GABRB2: variants seen among roughly 807,000 people sequenced by gnomAD.
GABRB2 encodes gamma-aminobutyric acid receptor subunit beta-2.
In GABRB2, 16 loss-of-function variants were observed where a neutral mutation model predicts 54.7. That is an observed-to-expected ratio of 0.29 (90% CI 0.20 to 0.44). The LOEUF is 0.44. Ranked by LOEUF, GABRB2 falls within the 20% of genes least tolerant of loss-of-function variation. The pLI is 1.00. For synonymous variants in GABRB2, 244 were observed against 233.8 expected (o/e 1.04, Z -0.40); for missense variants, 355 against 644.0 (o/e 0.55, Z 4.86).
intron 5 of GABRB2, among the ~76,000 whole-genome samples, chr5:161,370,890 C>T (rs1357396783): frequency 6.6e-6 from 1 of 152,228 alleles, no homozygotes; most frequent in Admixed American, 6.5e-5. Flanking sequence ...CCAGACTTTA[C>T]GTTTTGGAAA....
chr5:161,373,867 C>T (rs1755204558), intron 5 of GABRB2, among the ~76,000 whole-genome samples: 1 of 151,862 alleles, frequency 6.6e-6, no homozygotes, highest in Non-Finnish European at 1.5e-5. Context: ...CCTTGAGTTC[C>T]TTCTTTACCA....
chr5:161,319,185 C>T (rs758294840), intron 9 of GABRB2, among the ~76,000 whole-genome samples: 2 of 149,788 alleles, frequency 1.3e-5, no homozygotes, highest in African/African-American at 2.4e-5. Flanking sequence ...CTTGTTCTAG[C>T]CTGAACTGTT....
intron 9 of GABRB2, among the ~76,000 whole-genome samples, chr5:161,311,213 C>T (rs1379437727): frequency 6.6e-6 from 1 of 152,136 alleles, no homozygotes; most frequent in African/African-American, 2.4e-5. Flanking sequence ...GATAATAAAA[C>T]TAAAGGTCCT....
rs183214942 is a variant in GABRB2 at position 161,422,245 on chromosome 5, C to T, written c.459-11188G>A. 1.4e-3 allele frequency among the ~76,000 whole-genome samples: 219 copies of T among 152,094 alleles called. 1 individual carries two copies. Among genetic ancestry groups the T allele is most frequent in the Non-Finnish European group, 1.9e-3 (132 of 67,972 alleles). On this transcript the variant is annotated intron_variant, in intron 4 of 9. Coordinates refer to ENST00000393959, the MANE Select transcript of GABRB2 (RefSeq NM_001371727.1). ...CTTTATTTATAGTTGGGCAAAAAAT[C>T]TCAGAAATATTCTAGGTAAGTACTA...
chr5:161,297,199 C>T (rs973926522), intron 9 of GABRB2, among the ~76,000 whole-genome samples: 6 of 152,090 alleles, frequency 3.9e-5, no homozygotes, highest in African/African-American at 1.4e-4. Context: ...GTGTATTGAA[C>T]ACCTGTATCA....
intron 5 of GABRB2, among the ~76,000 whole-genome samples, chr5:161,407,587 G>A (rs1756384392): frequency 1.3e-5 from 2 of 151,970 alleles, no homozygotes; most frequent in South Asian, 2.1e-4. Context: ...GTAGGCTTGG[G>A]CATAACTTTG....
chr5:161,499,139 ACTTGT>A (rs760010243), intron 3 of GABRB2, among the ~76,000 whole-genome samples: 1 of 152,014 alleles, frequency 6.6e-6, no homozygotes, highest in South Asian at 2.1e-4. Context: ...TGCACTCTTC[ACTTGT>A]CTTGTCTCAT....
intron 3 of GABRB2, among the ~76,000 whole-genome samples, chr5:161,461,036 G>A (rs1758106571): frequency 6.6e-6 from 1 of 152,100 alleles, no homozygotes; most frequent in Non-Finnish European, 1.5e-5. Flanking sequence ...TTGAGCCAGT[G>A]ATACATAGGG....
At chr5:161,422,856 T>A (rs1179893116) in intron 4 of GABRB2, among the ~76,000 whole-genome samples, 2 of 152,172 alleles carry the variant, frequency 1.3e-5, no homozygotes, top group Non-Finnish European at 2.9e-5. Flanking sequence ...GCCATTTAAA[T>A]GTTGGTGGAA....
At position 161,291,914 on chromosome 5, in the gene GABRB2, C is replaced by G. The variant is rs1172808624; in HGVS notation, c.*2167G>C. The G allele has an allele frequency of 6.6e-6, 1 of 152,162 alleles. No homozygotes were observed. Among genetic ancestry groups the G allele is most frequent in the East Asian group, 1.9e-4 (1 of 5,184 alleles). 9.4% of individuals were successfully genotyped at this position (152,162 alleles called of 1,614,324 possible). On this transcript the variant is annotated 3_prime_UTR_variant, in exon 10 of 10. Coordinates refer to ENST00000393959, the MANE Select transcript of GABRB2 (RefSeq NM_001371727.1). ...TTACCCCCTGTTGACAAGGGGCAGG[C>G]ACTTTACTTAGTGTGATGCCCCAAA...
At chr5:161,456,731 T>G (rs1014945544) in intron 4 of GABRB2, among the ~76,000 whole-genome samples, 1 of 152,180 alleles carries the variant, frequency 6.6e-6, no homozygotes, top group African/African-American at 2.4e-5. Context: ...AAGTACATGC[T>G]AAGTCTCTTA....
intron 4 of GABRB2, among the ~76,000 whole-genome samples, chr5:161,438,118 T>A (rs1757361657): frequency 6.6e-6 from 1 of 152,152 alleles, no homozygotes; most frequent in African/African-American, 2.4e-5. Context: ...TGGCTTTAGG[T>A]TTGACCTAAC....
At chr5:161,389,824 C>A (rs2910287) in intron 5 of GABRB2, among the ~76,000 whole-genome samples, 84,531 of 151,610 alleles carry the variant, frequency 0.56, 25,369 homozygotes, top group South Asian at 0.67. Context: ...CAAATTACCC[C>A]AAACCTGAAG....
intron 3 of GABRB2, among the ~76,000 whole-genome samples, chr5:161,529,521 T>G (rs1318385244): frequency 6.6e-6 from 1 of 152,030 alleles, no homozygotes; most frequent in South Asian, 2.1e-4. Flanking sequence ...TTCTCACAGG[T>G]TCTAGCTTCA....
chr5:161,470,221 G>A (rs776523381), intron 3 of GABRB2, among the ~76,000 whole-genome samples: 10 of 151,338 alleles, frequency 6.6e-5, no homozygotes, highest in Admixed American at 3.3e-4. Flanking sequence ...GTGGTAAGCC[G>A]AACACTACTG....
At chr5:161,541,393 C>T (rs576302221) in intron 3 of GABRB2, among the ~76,000 whole-genome samples, 1 of 152,276 alleles carries the variant, frequency 6.6e-6, no homozygotes, top group Non-Finnish European at 1.5e-5. Context: ...TGCCTTGAAG[C>T]TTTGAAGCCA....
At chr5:161,300,547 C>T (rs1004770074) in intron 9 of GABRB2, among the ~76,000 whole-genome samples, 2 of 152,134 alleles carry the variant, frequency 1.3e-5, no homozygotes, top group African/African-American at 4.8e-5. Flanking sequence ...TTCCATGTTG[C>T]CTCTAGCCTG....
intron 4 of GABRB2, among the ~76,000 whole-genome samples, chr5:161,444,846 T>C (rs1391135975): frequency 6.6e-6 from 1 of 152,180 alleles, no homozygotes; most frequent in Non-Finnish European, 1.5e-5. Flanking sequence ...TTAATGCTTC[T>C]CTTTTTACTC....
At chr5:161,502,378 C>T (rs970959437) in intron 3 of GABRB2, among the ~76,000 whole-genome samples, 1 of 152,060 alleles carries the variant, frequency 6.6e-6, no homozygotes, top group Non-Finnish European at 1.5e-5. Flanking sequence ...AAAACACATA[C>T]ATTTGTCTGC....
Sources: allele counts gnomAD v4.1 joint callset (sites outside exome capture counted in the v4.1 genomes callset), GRCh38; gene constraint gnomAD v4.1.1; transcripts MANE v1.5; gene names NCBI Gene and HGNC (gene_info 2026-07-23, HGNC 2026-07-21).